TDRD3: variants seen among roughly 807,000 people sequenced by gnomAD.
The protein encoded by TDRD3 is tudor domain containing 3.
Under a neutral mutation model 86.7 loss-of-function variants are expected in TDRD3, and 45 were observed. The ratio of observed to expected loss-of-function variants is 0.52; its 90% CI spans 0.41 to 0.67. The LOEUF is 0.67. Among genes scored for constraint, TDRD3 ranks in the 30% least tolerant of loss-of-function variants. The pLI is 0.00. For synonymous variants in TDRD3, 298 were observed against 301.7 expected, an observed-to-expected ratio of 0.99 and a Z score of 0.13; for missense variants, 814 against 889.0, an observed-to-expected ratio of 0.92 and a Z score of 1.07.
chr13:60,499,835 A>G (rs1000448532), intron 8 of TDRD3, among the ~76,000 whole-genome samples: 2 of 152,214 alleles, frequency 1.3e-5, no homozygotes, highest in Non-Finnish European at 2.9e-5. Context: ...GAGGCAACAC[A>G]TTACTCATTT....
chr13:60,484,686 TAC>T, intron 6 of TDRD3: 1 of 448,274 alleles, frequency 2.2e-6, no homozygotes, highest in Admixed American at 2.5e-5. Context: ...TTTTTTTTTT[TAC>T]TGAGTTTGGA....
chr13:60,397,435 C>T (rs1245704331), intron 1 of TDRD3, 30 bp downstream of exon 1: 3 of 1,478,432 alleles, frequency 2.0e-6, no homozygotes, highest in African/African-American at 1.5e-5. Flanking sequence ...GGCTGCCGGG[C>T]CGCGGGTGCG....
chr13:60,556,781 A>G (rs2137930665), intron 12 of TDRD3, among the ~76,000 whole-genome samples: 1 of 152,364 alleles, frequency 6.6e-6, no homozygotes, highest in African/African-American at 2.4e-5. Flanking sequence ...GATGATCAAG[A>G]TGATGGAGAT....
At chr13:60,454,461 G>A (rs1401520597) in intron 3 of TDRD3, among the ~76,000 whole-genome samples, 1 of 151,826 alleles carries the variant, frequency 6.6e-6, no homozygotes, top group Non-Finnish European at 1.5e-5. Flanking sequence ...AGTTTGTTAT[G>A]ATTTCATTTT....
At chr13:60,509,310 T>A (rs1013977419) in intron 8 of TDRD3, among the ~76,000 whole-genome samples, 14 of 148,828 alleles carry the variant, frequency 9.4e-5, no homozygotes, top group Admixed American at 6.7e-4. Context: ...AGTACTAGTT[T>A]AAAAAAAAAA....
At chr13:60,542,078 G>A (rs1034864853) in intron 12 of TDRD3, among the ~76,000 whole-genome samples, 3 of 151,964 alleles carry the variant, frequency 2.0e-5, no homozygotes, top group Non-Finnish European at 2.9e-5. Flanking sequence ...ACAACTGAAC[G>A]GGGCTGGAAT....
intron 12 of TDRD3, among the ~76,000 whole-genome samples, chr13:60,539,426 TAG>T (rs1957765065): frequency 6.6e-6 from 1 of 152,048 alleles, no homozygotes; most frequent in Admixed American, 6.6e-5. Flanking sequence ...TAAATAATTA[TAG>T]GTTATTATTC....
rs148307472 is a variant in TDRD3 at position 60,399,923 on chromosome 13, G to GT, written c.41+2525dup. ...CAAGTTTACATTATTTTTAAGCGCA[G>GT]TTTTTTTCCTTCTTAAGGTTTTAAT... is the stretch of plus-strand genomic sequence containing the variant. On this transcript the variant is annotated intron_variant, in intron 1 of 13. Coordinates refer to ENST00000377881, the MANE Select transcript of TDRD3 (RefSeq NM_001146070.2). Among the ~76,000 whole-genome samples, 927 of 152,230 alleles carry GT rather than the reference G, an allele frequency of 6.1e-3. 15 individuals carry two copies. In the East Asian group the frequency reaches 0.076, roughly 12 times the overall value.
chr13:60,572,444 A>G (rs1958607726), intron 13 of TDRD3, among the ~76,000 whole-genome samples: 1 of 152,222 alleles, frequency 6.6e-6, no homozygotes, highest in Non-Finnish European at 1.5e-5. Context: ...TTATAGCACC[A>G]GGAGGGAAAG....
At chr13:60,424,084 C>T (rs1403586520) in intron 1 of TDRD3, among the ~76,000 whole-genome samples, 1 of 151,974 alleles carries the variant, frequency 6.6e-6, no homozygotes, top group Non-Finnish European at 1.5e-5. Flanking sequence ...TGCAGTGGCG[C>T]CATCTTGGCT....
At chr13:60,564,039 G>T (rs138413837) in intron 12 of TDRD3, among the ~76,000 whole-genome samples, 1 of 152,032 alleles carries the variant, frequency 6.6e-6, no homozygotes, top group Non-Finnish European at 1.5e-5. Flanking sequence ...TGATTATTGC[G>T]GTTTTGTATC....
intron 11 of TDRD3, among the ~76,000 whole-genome samples, chr13:60,533,871 A>G (rs750505583): frequency 6.6e-6 from 1 of 152,112 alleles, no homozygotes; most frequent in Non-Finnish European, 1.5e-5. Context: ...ATAGAGCTAT[A>G]TATTAGTTAT....
intron 1 of TDRD3, among the ~76,000 whole-genome samples, chr13:60,400,641 G>T (rs1204746429): frequency 6.6e-6 from 1 of 151,976 alleles, no homozygotes. Context: ...GTGAGGCTGA[G>T]GCAGGAGAAT....
upstream of TDRD3, among the ~76,000 whole-genome samples, chr13:60,396,167 A>C (rs1407866951): frequency 6.6e-6 from 1 of 152,186 alleles, no homozygotes; most frequent in Admixed American, 6.5e-5. Flanking sequence ...TGCCCTTAGA[A>C]GCAGGGGCAG....
At chr13:60,478,887 T>C (rs1044043924) in intron 5 of TDRD3, among the ~76,000 whole-genome samples, 2 of 146,896 alleles carry the variant, frequency 1.4e-5, no homozygotes, top group African/African-American at 5.0e-5. Context: ...CACTGCAACC[T>C]CTGCTTCTGG....
At chr13:60,513,065 T>C (rs1395210903) in intron 10 of TDRD3, among the ~76,000 whole-genome samples, 1 of 152,214 alleles carries the variant, frequency 6.6e-6, no homozygotes, top group Non-Finnish European at 1.5e-5. Context: ...CATTTTCATA[T>C]ATCCTCTGAA....
rs781496016 is a variant in TDRD3, at chr13:60,494,532, C to T, written c.815C>T (p.Ser272Leu). 2.6e-5 allele frequency: 42 copies of T among 1,613,678 alleles called. No homozygotes were observed. Among genetic ancestry groups the T allele is most frequent in the Non-Finnish European group, 3.5e-5 (41 of 1,179,800 alleles). ...AGGGAAGTTTTACAGAAAGAAAAGT[C>T]AACCAAATCAGAGGGAAAACATGAA... ...RNREVLQKEK[S>L]TKSEGKHEGV... is the part of the protein sequence containing the mutation. Residue 272 changes from serine to leucine, a missense_variant, in exon 8 of 14, where the codon TCA becomes TTA. Transcript: ENST00000377881.
At chr13:60,512,089 AGT>A (rs1441352291) in intron 10 of TDRD3, among the ~76,000 whole-genome samples, 1 of 152,092 alleles carries the variant, frequency 6.6e-6, no homozygotes, top group Non-Finnish European at 1.5e-5. Context: ...CAGGAAAAAG[AGT>A]GTATTGGATT....
intron 12 of TDRD3, among the ~76,000 whole-genome samples, chr13:60,555,598 A>G (rs1958164402): frequency 6.6e-6 from 1 of 152,196 alleles, no homozygotes; most frequent in African/African-American, 2.4e-5. Flanking sequence ...AATGGAGGTA[A>G]ATGATACCAA....
Sources: allele counts gnomAD v4.1 joint callset (sites outside exome capture counted in the v4.1 genomes callset), GRCh38; gene constraint gnomAD v4.1.1; transcripts MANE v1.5; gene names NCBI Gene and HGNC (gene_info 2026-07-23, HGNC 2026-07-21).